The following COG6 variants were observed in gnomAD, a reference collection of about 807,000 sequenced individuals.
COG6 encodes the protein conserved oligomeric Golgi complex subunit 6.
A neutral mutation model predicts 88.8 loss-of-function variants in COG6; 74 were observed. That is an observed-to-expected ratio of 0.83 (90% confidence interval 0.69 to 1.01). The LOEUF is 1.01. Among genes scored for constraint, COG6 ranks in the 50% least tolerant of loss-of-function variants. The pLI, the probability that COG6 is intolerant of heterozygous loss-of-function variation, is 0.00. For missense variants in COG6, 800 were observed against 797.9 expected (o/e 1.00, Z -0.03); for synonymous variants, 286 against 278.7 (o/e 1.03, Z -0.26).
chr13:39,749,349 T>A (rs1336373398), intron 18 of COG6, among the ~76,000 whole-genome samples: 2 of 152,226 alleles, frequency 1.3e-5, no homozygotes, highest in Non-Finnish European at 2.9e-5. Flanking sequence ...GTCAAGTTAG[T>A]TGAAATTTTG....
chr13:39,757,104 A>G (rs1282548230), downstream of COG6, among the ~76,000 whole-genome samples: 1 of 152,254 alleles, frequency 6.6e-6, no homozygotes, highest in Non-Finnish European at 1.5e-5. Context: ...ACAAGTCTCA[A>G]TAAATTTTAA....
chr13:39,694,694 A>G lies in COG6; in HGVS notation c.1135A>G (p.Asn379Asp). ...PGAVLLYKIS[N>D]LLKFYHHTIS... ...GGCAGTTTTATTATATAAAATTTCTAATCTCCTCAAATTTTATCACCATAC... is the reference window on the plus strand; with the variant it reads ...GGCAGTTTTATTATATAAAATTTCTGATCTCCTCAAATTTTATCACCATAC... The change falls in exon 12 of 19, where the codon AAT becomes GAT. Residue 379 changes from asparagine to aspartate, a missense_variant. By Grantham distance (23) the Asn-to-Asp change is conservative. Transcript: ENST00000455146. The G allele has an allele frequency of 1.3e-6, 2 of 1,593,974 alleles. No individual in the cohort carries two copies. The highest frequency in any genetic ancestry group is 1.7e-6 in the Non-Finnish European group (2 of 1,164,324).
chr13:39,741,157 G>T (rs1203162970), intron 18 of COG6, among the ~76,000 whole-genome samples: 1 of 152,064 alleles, frequency 6.6e-6, no homozygotes, highest in Non-Finnish European at 1.5e-5. Flanking sequence ...ATTTTAAAAT[G>T]AGAATAATAT....
chr13:39,783,450 G>GT (rs970423853), intron 18 of COG6, among the ~76,000 whole-genome samples: 1 of 151,810 alleles, frequency 6.6e-6, no homozygotes, highest in South Asian at 2.1e-4. Context: ...GTTTTGTTTT[G>GT]TTTTTTTCAT....
In COG6 at chr13:39,673,940, A is replaced by G. The variant is rs1470920940; in HGVS notation, c.429-3528A>G. ...AATTTTTCTCAAAAAAGATTATCAC[A>G]ATTTCTACTTCCATTCTGTCTATTT... On this transcript the variant is annotated intron_variant, in intron 4 of 18. Transcript: ENST00000455146. Among the ~76,000 whole-genome samples, 4 of 151,430 alleles carry G rather than the reference A, an allele frequency of 2.6e-5. No individual in the cohort carries two copies. In the East Asian group the frequency reaches 7.7e-4, roughly 29 times the overall value.
At chr13:39,732,130 A>C (rs1429625626) in intron 18 of COG6, among the ~76,000 whole-genome samples, 2 of 152,180 alleles carry the variant, frequency 1.3e-5, no homozygotes, top group Non-Finnish European at 1.5e-5. Context: ...TCTCCTGTGG[A>C]AACACCCTCA....
intron 18 of COG6, among the ~76,000 whole-genome samples, chr13:39,735,989 T>A (rs1475830420): frequency 1.3e-5 from 2 of 152,082 alleles, no homozygotes; most frequent in African/African-American, 4.8e-5. Flanking sequence ...GTAGCCTTAT[T>A]TGGATTACAT....
chr13:39,761,508 G>A (rs1328234493), intron 18 of COG6, among the ~76,000 whole-genome samples: 2 of 151,744 alleles, frequency 1.3e-5, no homozygotes, highest in African/African-American at 4.8e-5. Context: ...AAAAGCATAG[G>A]CAACAAAAGC....
chr13:39,684,486 G>A (rs557694070), intron 8 of COG6, among the ~76,000 whole-genome samples: 2 of 151,696 alleles, frequency 1.3e-5, no homozygotes, highest in Middle Eastern at 3.2e-3. Flanking sequence ...TCCTGACCTC[G>A]TGATCCACCC....
chr13:39,752,294 G>T lies in COG6; in HGVS notation c.*1201G>T. 8.2e-6 allele frequency: 7 copies of T among 855,020 alleles called. No homozygotes were observed. The highest frequency in any genetic ancestry group is 1.1e-5 in the Non-Finnish European group (7 of 632,508). 53.0% of individuals were successfully genotyped at this position (855,020 alleles called of 1,614,324 possible). A position where few individuals can be genotyped will look rare whatever the true frequency, so the allele number is the denominator to read the frequency against. ...AAAACTAGTATTTGTAGAAGATTAT[G>T]TGTTGTATATAACAAATTAGTATTT... On this transcript the variant is annotated 3_prime_UTR_variant, in exon 19 of 19. Transcript: ENST00000455146.
intron 8 of COG6, among the ~76,000 whole-genome samples, chr13:39,684,242 G>GTTTTTTTTTTT (rs1593423136): frequency 8.9e-5 from 4 of 44,794 alleles, no homozygotes; most frequent in Non-Finnish European, 8.5e-5. Flanking sequence ...CAATTTGGAA[G>GTTTTTTTTTTT]ATTTTTTTTT....
intron 4 of COG6, among the ~76,000 whole-genome samples, chr13:39,673,880 A>G (rs1223104459): frequency 1.3e-5 from 2 of 151,722 alleles, no homozygotes; most frequent in African/African-American, 4.8e-5. Context: ...TATCAAGAGG[A>G]TCATTTTTGG....
intron 18 of COG6, among the ~76,000 whole-genome samples, chr13:39,773,974 T>C (rs1881392175): frequency 6.6e-6 from 1 of 151,456 alleles, no homozygotes; most frequent in Non-Finnish European, 1.5e-5. Context: ...TGGTTAGAAA[T>C]CCATAGGAGT....
rs541245526 is a variant in COG6 at position 39,721,422 on chromosome 13, T to C, written c.1584+1595T>C. Among the ~76,000 whole-genome samples, 5 of 152,236 alleles carry C rather than the reference T, an allele frequency of 3.3e-5. No individual in the cohort carries two copies. In the East Asian group the frequency reaches 7.7e-4, roughly 24 times the overall value. ...TTAGTCCTGGCAGCATTTTCAGTAA[T>C]TGTTCTGTCAGCAGATAATTCAGGT... is the stretch of plus-strand genomic sequence containing the variant. On this transcript the variant is annotated intron_variant, in intron 15 of 18. Coordinates refer to ENST00000455146, the MANE Select transcript of COG6 (RefSeq NM_020751.3).
In COG6 at chr13:39,719,409, C is replaced by A. The variant is rs375016133; in HGVS notation, c.1416+42C>A. Reference sequence around the variant, plus strand: ...TTTTTAATGATTGTTTTTTGCTCTTCTATTGTACACTGTGTTTCAATTCTG... The same window carrying A: ...TTTTTAATGATTGTTTTTTGCTCTTATATTGTACACTGTGTTTCAATTCTG... On this transcript the variant is annotated intron_variant, in intron 14 of 18. Transcript: ENST00000455146. 3.7e-4 allele frequency: 590 copies of A among 1,579,108 alleles called. 1 individual carries two copies. The highest frequency in any genetic ancestry group is 5.1e-4 in the Non-Finnish European group (586 of 1,153,996).
intron 3 of COG6, among the ~76,000 whole-genome samples, chr13:39,664,696 A>G (rs138813356): frequency 1.1e-3 from 173 of 152,314 alleles, no homozygotes; most frequent in Admixed American, 2.7e-3. Context: ...ATTGAGCTCC[A>G]CACTAGCATT....
At chr13:39,740,853 G>A (rs1021881248) in intron 18 of COG6, among the ~76,000 whole-genome samples, 1 of 152,048 alleles carries the variant, frequency 6.6e-6, no homozygotes, top group African/African-American at 2.4e-5. Context: ...TTCTTCTTGG[G>A]CTTTTAGGCT....
At chr13:39,741,709 A>G (rs1159670289) in intron 18 of COG6, among the ~76,000 whole-genome samples, 1 of 152,172 alleles carries the variant, frequency 6.6e-6, no homozygotes, top group East Asian at 1.9e-4. Flanking sequence ...AACTTCCCCA[A>G]CCTAGCAAGG....
At chr13:39,701,580 C>T (rs902980942) in intron 13 of COG6, among the ~76,000 whole-genome samples, 1 of 151,814 alleles carries the variant, frequency 6.6e-6, no homozygotes, top group African/African-American at 2.4e-5. Context: ...AAGGTTTTAT[C>T]AGAAAAGCCA....
Sources: gnomAD v4.1 joint callset for allele counts (sites outside exome capture counted in the v4.1 genomes callset) on GRCh38, gnomAD v4.1.1 for gene constraint, MANE v1.5 for transcripts, NCBI Gene and HGNC (gene_info 2026-07-23, HGNC 2026-07-21) for gene names.